AMN1: variants seen among roughly 807,000 people sequenced by gnomAD.
AMN1 encodes antagonist of mitotic exit network 1 homolog, also known as protein AMN1 homolog.
AMN1 carries 20 observed loss-of-function variants against 33.0 expected under a neutral mutation model. That is an observed-to-expected ratio of 0.61 (90% CI 0.43 to 0.88). The LOEUF is 0.88. Among genes scored for constraint, AMN1 ranks in the 40% least tolerant of loss-of-function variants. The pLI is 0.00. For missense variants in AMN1, 246 were observed against 307.4 expected (o/e 0.80, Z 1.49); for synonymous variants, 114 against 111.9 (o/e 1.02, Z -0.12).
chr12:31,673,535 A>G lies in AMN1; in HGVS notation c.704-1158T>C, dbSNP rs116758548. The G allele has an allele frequency of 5.9e-3, 1,543 of 263,330 alleles. 24 individuals are homozygous for G. Among genetic ancestry groups the G allele is most frequent in the African/African-American group, 0.033 (1,441 of 44,140 alleles). 16.3% of individuals were successfully genotyped at this position (263,330 alleles called of 1,614,324 possible). ...ATTCAAATTATGTTGAAAGTAAAAG[A>G]ATGGACAAAGACATACCATTTAAAT... On this transcript the variant is annotated intron_variant, in intron 6 of 6. Coordinates refer to ENST00000281471, the MANE Select transcript of AMN1 (RefSeq NM_001113402.2).
intron 5 of AMN1, among the ~76,000 whole-genome samples, chr12:31,693,898 T>A (rs1199422387): frequency 6.6e-6 from 1 of 151,206 alleles, no homozygotes; most frequent in Non-Finnish European, 1.5e-5. Flanking sequence ...CTTGAAATCC[T>A]GAGCTCAAGG....
At chr12:31,706,307 G>A (rs541246252) in intron 2 of AMN1, among the ~76,000 whole-genome samples, 43 of 88,906 alleles carry the variant, frequency 4.8e-4, no homozygotes, top group African/African-American at 1.7e-3. Context: ...GCAAGACTCC[G>A]TCTCAAAAAA....
intron 1 of AMN1, among the ~76,000 whole-genome samples, chr12:31,717,186 T>C (rs997662580): frequency 2.6e-5 from 4 of 152,078 alleles, no homozygotes; most frequent in Non-Finnish European, 4.4e-5. Flanking sequence ...GCTCCACTTA[T>C]GACATGCGGT....
rs1421975323 is a variant in AMN1 at position 31,729,004 on chromosome 12, G to A, written c.5C>T (p.Pro2Leu). Residue 2 changes from proline (P) to leucine (L), a missense_variant, in exon 1 of 7, where the codon CCT (proline) becomes CTT (leucine). Pro to Leu is a moderately conservative substitution (Grantham distance 98). Transcript: ENST00000281471. Reference sequence around the variant, plus strand: ...GAGCTGACTGACCCGCCGTGGGCGAGGCATCGCTGCAGCGTCTGAAGCCTC... The same window carrying A: ...GAGCTGACTGACCCGCCGTGGGCGAAGCATCGCTGCAGCGTCTGAAGCCTC... The part of the protein sequence containing the change: M[P>L]RPRRVSQLLD... 1.4e-5 allele frequency: 21 copies of A among 1,545,230 alleles called. No individual in the cohort carries two copies. Among genetic ancestry groups the A allele is most frequent in the Non-Finnish European group, 1.8e-5 (21 of 1,142,586 alleles).
chr12:31,711,867 C>T (rs1248229242), intron 1 of AMN1, among the ~76,000 whole-genome samples: 1 of 152,128 alleles, frequency 6.6e-6, no homozygotes, highest in Non-Finnish European at 1.5e-5. Context: ...CATCCCCTGC[C>T]CTTCCCAGCC....
chr12:31,725,090 C>A (rs894390074), intron 1 of AMN1, among the ~76,000 whole-genome samples: 3 of 152,154 alleles, frequency 2.0e-5, no homozygotes, highest in Admixed American at 6.5e-5. Flanking sequence ...CTTCTCCCCC[C>A]ACAGTGGCGA....
At chr12:31,680,771 A>AT (rs1279230714) in intron 6 of AMN1, among the ~76,000 whole-genome samples, 13 of 152,216 alleles carry the variant, frequency 8.5e-5, no homozygotes, top group African/African-American at 2.9e-4. Flanking sequence ...GCACATGCAT[A>AT]TGCAAGTATA....
intron 6 of AMN1, among the ~76,000 whole-genome samples, chr12:31,676,939 C>G (rs1937741294): frequency 6.6e-6 from 1 of 151,616 alleles, no homozygotes; most frequent in Admixed American, 6.6e-5. Context: ...CTTTATTATG[C>G]TACAGGGAAA....
chr12:31,724,594 G>C (rs1939994572), intron 1 of AMN1, among the ~76,000 whole-genome samples: 1 of 152,116 alleles, frequency 6.6e-6, no homozygotes, highest in South Asian at 2.1e-4. Flanking sequence ...AAACAAAACA[G>C]CACATAAGGA....
At chr12:31,699,596 A>T (rs1938900436) in intron 3 of AMN1, among the ~76,000 whole-genome samples, 1 of 152,084 alleles carries the variant, frequency 6.6e-6, no homozygotes, top group Non-Finnish European at 1.5e-5. Flanking sequence ...TGTACTCTTC[A>T]TCTTGCTGTT....
chr12:31,718,882 C>T (rs1370239396), intron 1 of AMN1, among the ~76,000 whole-genome samples: 1 of 152,250 alleles, frequency 6.6e-6, no homozygotes, highest in Non-Finnish European at 1.5e-5. Flanking sequence ...ACCGCCTACT[C>T]AAGCCTCAGC....
Position 31,698,805 on chromosome 12 carries a change from A to G in AMN1, c.317-848T>C, listed in dbSNP as rs907471756. On this transcript the variant is annotated intron_variant, in intron 3 of 6. Transcript: ENST00000281471. Reference sequence around the variant, plus strand: ...TGTCCAGCATGGAAGTTGTGATACAATAAGAACTGTATTTGATCTTTGTTC... The same window carrying G: ...TGTCCAGCATGGAAGTTGTGATACAGTAAGAACTGTATTTGATCTTTGTTC... Among the ~76,000 whole-genome samples, 4 of 152,162 alleles carry G rather than the reference A, an allele frequency of 2.6e-5. No individual in the cohort carries two copies. The South Asian group carries it at 8.3e-4, about 31-fold the overall frequency.
At chr12:31,727,377 T>C (rs1462319868) in intron 1 of AMN1, among the ~76,000 whole-genome samples, 1 of 152,220 alleles carries the variant, frequency 6.6e-6, no homozygotes, top group African/African-American at 2.4e-5. Context: ...AAACCTTTGA[T>C]AGCTCCCCAT....
chr12:31,706,311 CAAAAAAAAAAAA>C (rs3032986), intron 2 of AMN1, among the ~76,000 whole-genome samples: 1 of 66,028 alleles, frequency 1.5e-5, no homozygotes, highest in African/African-American at 5.7e-5. Flanking sequence ...GACTCCGTCT[CAAAAAAAAAAAA>C]AAAAAAAAAA....
At chr12:31,693,011 T>A (rs1449530983) in intron 5 of AMN1, among the ~76,000 whole-genome samples, 1 of 152,216 alleles carries the variant, frequency 6.6e-6, no homozygotes, top group Non-Finnish European at 1.5e-5. Context: ...ACGATCATGA[T>A]ATTTGCTAAA....
chr12:31,684,617 C>A (rs576055224), intron 6 of AMN1, among the ~76,000 whole-genome samples: 1 of 152,060 alleles, frequency 6.6e-6, no homozygotes, highest in African/African-American at 2.4e-5. Flanking sequence ...ACTACAGGCG[C>A]CCGCCACCAT....
At chr12:31,680,877 G>A (rs1039059499) in intron 6 of AMN1, among the ~76,000 whole-genome samples, 2 of 152,254 alleles carry the variant, frequency 1.3e-5, no homozygotes, top group Middle Eastern at 6.8e-3. Context: ...TATATAAGGT[G>A]TCACGAAAGA....
chr12:31,702,504 G>A (rs936342633), intron 2 of AMN1, among the ~76,000 whole-genome samples: 12 of 151,798 alleles, frequency 7.9e-5, no homozygotes, highest in Non-Finnish European at 1.5e-4. Flanking sequence ...TTTTCTTGAG[G>A]TTGACAAATA....
intron 2 of AMN1, chr12:31,709,014 CA>C: frequency 2.3e-6 from 1 of 443,620 alleles, no homozygotes; most frequent in Non-Finnish European, 4.4e-6. Flanking sequence ...CCTGTCTCTA[CA>C]AAAAATGCAA....
Sources: allele counts gnomAD v4.1 joint callset (sites outside exome capture counted in the v4.1 genomes callset), GRCh38; gene constraint gnomAD v4.1.1; transcripts MANE v1.5; gene names NCBI Gene and HGNC (gene_info 2026-07-23, HGNC 2026-07-21).